CRB1: variants seen among roughly 807,000 people sequenced by gnomAD.
The protein encoded by CRB1 is protein crumbs homolog 1.
In CRB1, 83 loss-of-function variants were observed where a neutral mutation model predicts 120.0. The ratio of observed to expected loss-of-function variants is 0.69; its 90% confidence interval spans 0.58 to 0.83. CRB1 has a LOEUF of 0.83. Among genes scored for constraint, CRB1 ranks in the 40% least tolerant of loss-of-function variants. The pLI, the probability that CRB1 is intolerant of heterozygous loss-of-function variation, is 0.00. For missense variants in CRB1, 1,699 were observed against 1,687.6 expected (o/e 1.01, Z -0.12); for synonymous variants, 625 against 612.5 (o/e 1.02, Z -0.30).
At chr1:197,232,766 C>T in the CRB1 span, among the ~76,000 whole-genome samples, 7 of 152,050 alleles carry the variant, frequency 4.6e-5, no homozygotes, top group Non-Finnish European at 8.8e-5. Context: ...GTAGGACTCT[C>T]CTATATTTGG....
At chr1:197,213,373 G>A in the CRB1 span, among the ~76,000 whole-genome samples, 1 of 152,164 alleles carries the variant, frequency 6.6e-6, no homozygotes, top group African/African-American at 2.4e-5. Context: ...ATTTGGGGGA[G>A]CTTCTCCCTA....
chr1:197,316,932 A>C (rs531380025), intron 1 of CRB1, among the ~76,000 whole-genome samples: 564 of 152,132 alleles, frequency 3.7e-3, no homozygotes, highest in South Asian at 0.013. Flanking sequence ...ACAAAAAAAA[A>C]CCCAGAATGC....
chr1:197,464,406 A>C (rs1163342449), intron 11 of CRB1, among the ~76,000 whole-genome samples: 1 of 152,132 alleles, frequency 6.6e-6, no homozygotes, highest in Non-Finnish European at 1.5e-5. Context: ...CTCCTAACTC[A>C]GCCATATCCC....
intron 11 of CRB1, among the ~76,000 whole-genome samples, chr1:197,447,015 T>G (rs1213587478): frequency 6.6e-6 from 1 of 152,238 alleles, no homozygotes; most frequent in East Asian, 1.9e-4. Flanking sequence ...TATTATTTAT[T>G]TATTGTTCTG....
chr1:197,446,296 C>T (rs762437799), intron 11 of CRB1, among the ~76,000 whole-genome samples: 10 of 152,028 alleles, frequency 6.6e-5, no homozygotes, highest in Non-Finnish European at 1.3e-4. Context: ...TCCAGTCTTA[C>T]AGGTGGGTAT....
At chr1:197,403,492 G>C (rs571809034) in intron 5 of CRB1, among the ~76,000 whole-genome samples, 2 of 152,310 alleles carry the variant, frequency 1.3e-5, no homozygotes, top group East Asian at 1.9e-4. Context: ...CATGTAGATA[G>C]AGTGCTACTT....
At position 197,434,578 on chromosome 1, in the gene CRB1, G is replaced by T. The variant is rs548743934; in HGVS notation, c.2843-128G>T. Reference sequence around the variant, plus strand: ...AAATAATATAAAAGCAACTAGCACAGTATGTAACATGTATCAAATAGTCAA... The same window carrying T: ...AAATAATATAAAAGCAACTAGCACATTATGTAACATGTATCAAATAGTCAA... On this transcript the variant is annotated intron_variant, in intron 8 of 11. Transcript: ENST00000367400. 72 of 826,188 alleles carry T rather than the reference G, an allele frequency of 8.7e-5. No individual in the cohort carries two copies. In the African/African-American group the frequency reaches 1.1e-3, roughly 12 times the overall value. 51.2% of individuals were successfully genotyped at this position (826,188 alleles called of 1,614,324 possible).
the CRB1 span, among the ~76,000 whole-genome samples, chr1:197,247,747 C>T: frequency 2.0e-5 from 3 of 152,012 alleles, no homozygotes; most frequent in Admixed American, 1.3e-4. Flanking sequence ...GGAGTTCCCC[C>T]AGAGAATAGC....
chr1:197,382,348 T>C (rs913793780), intron 5 of CRB1, among the ~76,000 whole-genome samples: 50 of 152,158 alleles, frequency 3.3e-4, no homozygotes, highest in African/African-American at 1.1e-3. Flanking sequence ...CAATACCTTA[T>C]ACTGCTCCTG....
chr1:197,349,420 C>A (rs996177328), intron 4 of CRB1, among the ~76,000 whole-genome samples: 3 of 152,164 alleles, frequency 2.0e-5, no homozygotes, highest in Non-Finnish European at 4.4e-5. Flanking sequence ...AAATAAAAGA[C>A]ACAGCATCTC....
Position 197,356,914 on chromosome 1 carries a change from T to A in CRB1, c.1072T>A (p.Ser358Thr), listed in dbSNP as rs766231558. 1 of 1,614,190 alleles carries A rather than the reference T, an allele frequency of 6.2e-7. No individual in the cohort carries two copies. The highest frequency in any genetic ancestry group is 8.5e-7 in the Non-Finnish European group (1 of 1,180,028). The change falls in exon 5 of 12, where the codon TCC (serine) becomes ACC (threonine). Residue 358 changes from serine to threonine, a missense_variant. Ser to Thr is a moderately conservative substitution (Grantham distance 58, BLOSUM62 1). Coordinates refer to ENST00000367400, the MANE Select transcript of CRB1 (RefSeq NM_201253.3). Reference sequence around the variant, plus strand: ...GTCCAATGGGGAATGTGTGGAGCTGTCCTCAGAGAAACAATATGGACGCAT... The same window carrying A: ...GTCCAATGGGGAATGTGTGGAGCTGACCTCAGAGAAACAATATGGACGCAT... ...CQSNGECVEL[S>T]SEKQYGRITG...
chr1:197,393,401 G>C (rs1292730799), intron 5 of CRB1, among the ~76,000 whole-genome samples: 1 of 152,056 alleles, frequency 6.6e-6, no homozygotes, highest in African/African-American at 2.4e-5. Context: ...CAAGAGAAGG[G>C]CTGGCTACAG....
intron 1 of CRB1, among the ~76,000 whole-genome samples, chr1:197,305,157 T>C (rs1177242815): frequency 2.0e-5 from 3 of 152,188 alleles, no homozygotes; most frequent in Non-Finnish European, 2.9e-5. Context: ...CTAATGTTCT[T>C]AGGTTACTGG....
At chr1:197,413,519 G>A (rs1241165296) in intron 5 of CRB1, among the ~76,000 whole-genome samples, 1 of 152,126 alleles carries the variant, frequency 6.6e-6, no homozygotes, top group Non-Finnish European at 1.5e-5. Flanking sequence ...AACAAAAACA[G>A]CATTTCCTTT....
intron 11 of CRB1, among the ~76,000 whole-genome samples, chr1:197,458,492 C>T (rs992920230): frequency 1.2e-4 from 18 of 152,074 alleles, no homozygotes; most frequent in African/African-American, 4.3e-4. Flanking sequence ...ATTCATCTTC[C>T]CTATAAGCCA....
intron 1 of CRB1, among the ~76,000 whole-genome samples, chr1:197,297,743 A>G (rs1037025712): frequency 6.6e-6 from 1 of 152,166 alleles, no homozygotes; most frequent in African/African-American, 2.4e-5. Flanking sequence ...TTTAAATGAC[A>G]ACTGAGAAAA....
intron 2 of CRB1, among the ~76,000 whole-genome samples, chr1:197,337,419 T>C (rs1342728142): frequency 6.6e-6 from 1 of 152,192 alleles, no homozygotes; most frequent in Non-Finnish European, 1.5e-5. Context: ...AGCCTAGATG[T>C]TCTCTAGTGG....
intron 1 of CRB1, among the ~76,000 whole-genome samples, chr1:197,320,238 G>A (rs898491987): frequency 6.6e-6 from 1 of 152,092 alleles, no homozygotes. Context: ...ATCACTCAAG[G>A]GCTCTTGCTT....
At chr1:197,218,315 C>T in the CRB1 span, among the ~76,000 whole-genome samples, 1 of 152,164 alleles carries the variant, frequency 6.6e-6, no homozygotes. Context: ...TTATACAAAG[C>T]AACCTTGAGA....
Sources: allele counts gnomAD v4.1 joint callset (sites outside exome capture counted in the v4.1 genomes callset), GRCh38; gene constraint gnomAD v4.1.1; transcripts MANE v1.5; gene names NCBI Gene and HGNC (gene_info 2026-07-23, HGNC 2026-07-21).